The following ANOS1 variants were observed in gnomAD, a reference collection of about 807,000 sequenced individuals.
ANOS1 encodes anosmin 1.
In ANOS1, 6 loss-of-function variants were observed where a neutral mutation model predicts 59.0. The ratio of observed to expected loss-of-function variants is 0.10; its 90% CI spans 0.06 to 0.20. ANOS1 has a LOEUF of 0.20. Among genes scored for constraint, ANOS1 ranks in the 10% least tolerant of loss-of-function variants. The pLI is 1.00. For synonymous variants in ANOS1, 217 were observed against 223.4 expected, an observed-to-expected ratio of 0.97 and a Z score of 0.25; for missense variants, 433 against 542.3, an observed-to-expected ratio of 0.80 and a Z score of 2.00.
At chrX:8,650,492 C>A (rs1355089415) in intron 2 of ANOS1, among the ~76,000 whole-genome samples, 1 of 111,927 alleles carries the variant, frequency 8.9e-6, no homozygotes, top group Non-Finnish European at 1.9e-5. Context: ...CCAAGGTGGG[C>A]GGATCACTTG....
At chrX:8,560,654 A>G (rs1930018058) in intron 8 of ANOS1, among the ~76,000 whole-genome samples, 1 of 112,644 alleles carries the variant, frequency 8.9e-6, no homozygotes, top group Non-Finnish European at 1.9e-5. Context: ...CGAAAAAACC[A>G]GCGCTCAAAA....
intron 2 of ANOS1, among the ~76,000 whole-genome samples, chrX:8,685,589 A>AAAAAGG (rs1932499663): frequency 1.4e-5 from 1 of 73,580 alleles, no homozygotes; most frequent in Admixed American, 1.6e-4. Context: ...AAAGAAAGAG[A>AAAAAGG]AAGAAAGGAA....
rs1929450954 is a variant in ANOS1 at position 8,528,905 on chromosome X, G to C, written c.*4090C>G. 1 of 111,454 alleles carries C rather than the reference G, an allele frequency of 9.0e-6. No individual in the cohort carries two copies. Among genetic ancestry groups the C allele is most frequent in the African/African-American group, 3.3e-5 (1 of 30,649 alleles). 9.2% of individuals were successfully genotyped at this position (111,454 alleles called of 1,213,427 possible). On this transcript the variant is annotated 3_prime_UTR_variant, in exon 14 of 14. Transcript: ENST00000262648. ...TTAAGGATACTTTATTATTGAACCAGTATGTACAAACTCTAACATGAAAAT... is the reference window on the plus strand; with the variant it reads ...TTAAGGATACTTTATTATTGAACCACTATGTACAAACTCTAACATGAAAAT...
chrX:8,641,541 C>G (rs757862080), intron 2 of ANOS1, among the ~76,000 whole-genome samples: 32 of 112,135 alleles, frequency 2.9e-4, no homozygotes, highest in Non-Finnish European at 5.6e-4. Context: ...ATCACACACA[C>G]AAAAATTCAA....
intron 8 of ANOS1, chrX:8,566,040 C>T (rs1021394397): frequency 7.3e-5 from 55 of 753,194 alleles, no homozygotes; most frequent in South Asian, 1.4e-4. Context: ...CCATGCAATG[C>T]GCTTCTCTAA....
intron 9 of ANOS1, among the ~76,000 whole-genome samples, chrX:8,546,684 A>T (rs1929776888): frequency 8.9e-6 from 1 of 111,927 alleles, no homozygotes; most frequent in Non-Finnish European, 1.9e-5. Context: ...TCTGGCAATC[A>T]TGTAGTTATC....
Position 8,536,188 on chromosome X carries a change from C to CTTTTTTTTTTTTTTTTTTTTT in ANOS1, c.1622-398_1622-378dup, listed in dbSNP as rs1304219147. On this transcript the variant is annotated intron_variant, in intron 11 of 13. Coordinates refer to ENST00000262648, the MANE Select transcript of ANOS1 (RefSeq NM_000216.4). ...GTTAGAAGAGTTATTAAATCCGAAG[C>CTTTTTTTTTTTTTTTTTTTTT]TTTTTTTTTTTTTTTTTTTTTTTTT... Among the ~76,000 whole-genome samples the CTTTTTTTTTTTTTTTTTTTTT allele has an allele frequency of 9.4e-5, 3 of 31,891 alleles. 1 individual carries two copies. Among genetic ancestry groups the CTTTTTTTTTTTTTTTTTTTTT allele is most frequent in the Non-Finnish European group, 5.6e-5 (1 of 17,808 alleles). 27.7% of individuals were successfully genotyped at this position (31,891 alleles called of 115,157 possible).
At chrX:8,597,938 G>A (rs770396376) in intron 3 of ANOS1, among the ~76,000 whole-genome samples, 1 of 110,596 alleles carries the variant, frequency 9.0e-6, no homozygotes, top group East Asian at 2.8e-4. Context: ...CCAAAGCACT[G>A]GGATTGCAGG....
At chrX:8,608,898 C>T (rs1418331953) in intron 3 of ANOS1, among the ~76,000 whole-genome samples, 1 of 112,434 alleles carries the variant, frequency 8.9e-6, no homozygotes, top group East Asian at 2.8e-4. Flanking sequence ...TTCCTGAGGT[C>T]TCTCCAGCCA....
chrX:8,624,107 C>A lies in ANOS1; in HGVS notation c.256-437G>T, dbSNP rs749965877. ...CTCGGCTCACTGCAACCTCCACCTCCCAGGTTCAAGTGATTCTTCTACCTC... is the reference window on the plus strand; with the variant it reads ...CTCGGCTCACTGCAACCTCCACCTCACAGGTTCAAGTGATTCTTCTACCTC... On this transcript the variant is annotated intron_variant, in intron 2 of 13. Coordinates refer to ENST00000262648, the MANE Select transcript of ANOS1 (RefSeq NM_000216.4). Among the ~76,000 whole-genome samples the A allele has an allele frequency of 9.5e-5, 10 of 104,989 alleles. No homozygotes were observed. In the East Asian group the frequency reaches 2.7e-3, roughly 28 times the overall value. The allele number at this position is 104,989 out of a possible 115,157, so 91.2% of individuals were successfully genotyped here. A position where few individuals can be genotyped will look rare whatever the true frequency, so the allele number is the denominator to read the frequency against.
At chrX:8,634,369 G>A (rs1429782308) in intron 2 of ANOS1, among the ~76,000 whole-genome samples, 4 of 110,609 alleles carry the variant, frequency 3.6e-5, no homozygotes, top group African/African-American at 6.6e-5. Context: ...CCAAAAAAAA[G>A]AAAAAGAAAA....
intron 4 of ANOS1, among the ~76,000 whole-genome samples, chrX:8,594,670 A>ATATATATATATGTG (rs1930687481): frequency 1.9e-5 from 1 of 53,515 alleles, no homozygotes; most frequent in Non-Finnish European, 3.3e-5. Flanking sequence ...ATATATATAT[A>ATATATATATATGTG]TATATATATA....
At chrX:8,611,820 A>G (rs1931063546) in intron 3 of ANOS1, among the ~76,000 whole-genome samples, 1 of 112,132 alleles carries the variant, frequency 8.9e-6, no homozygotes, top group African/African-American at 3.2e-5. Context: ...ACCTAGCATT[A>G]TAAGAAATGT....
intron 1 of ANOS1, among the ~76,000 whole-genome samples, chrX:8,708,604 C>A: frequency 8.9e-6 from 1 of 111,786 alleles, no homozygotes; most frequent in South Asian, 3.8e-4. Context: ...ATTAAAAAGT[C>A]AGGAAACAAT....
chrX:8,697,491 G>A (rs915300787), intron 2 of ANOS1, among the ~76,000 whole-genome samples: 6 of 111,251 alleles, frequency 5.4e-5, no homozygotes, highest in Admixed American at 9.6e-5. Flanking sequence ...GGTTGCTCTT[G>A]GATTCATCCC....
chrX:8,709,441 AT>A (rs1331388011), intron 1 of ANOS1, among the ~76,000 whole-genome samples: 1 of 111,958 alleles, frequency 8.9e-6, no homozygotes, highest in Non-Finnish European at 1.9e-5. Context: ...AGAAAACAAT[AT>A]TAAATAACTT....
chrX:8,646,991 C>T (rs1200517863), intron 2 of ANOS1, among the ~76,000 whole-genome samples: 1 of 107,336 alleles, frequency 9.3e-6, no homozygotes, highest in African/African-American at 3.4e-5. Flanking sequence ...CCAATGAGAT[C>T]GAGGTGGAGG....
intron 2 of ANOS1, among the ~76,000 whole-genome samples, chrX:8,682,104 T>C (rs1254904596): frequency 9.0e-6 from 1 of 110,737 alleles, no homozygotes; most frequent in East Asian, 2.8e-4. Context: ...ATGGATGGCA[T>C]ATATTTAAAA....
chrX:8,683,587 G>C (rs1311303047), intron 2 of ANOS1, among the ~76,000 whole-genome samples: 2 of 111,977 alleles, frequency 1.8e-5, no homozygotes, highest in Non-Finnish European at 3.8e-5. Context: ...ATGTGTTACA[G>C]AAACAAGGCA....
Sources: gnomAD v4.1 joint callset for allele counts (sites outside exome capture counted in the v4.1 genomes callset) on GRCh38, gnomAD v4.1.1 for gene constraint, MANE v1.5 for transcripts, NCBI Gene and HGNC (gene_info 2026-07-23, HGNC 2026-07-21) for gene names.